Variants in SYNDIG1L observed in about 807,000 individuals in gnomAD.
SYNDIG1L encodes the protein synapse differentiation-inducing gene protein 1-like.
A neutral mutation model predicts 20.1 loss-of-function variants in SYNDIG1L; 13 were observed. The observed-to-expected ratio is 0.65, with a 90% CI of 0.42 to 1.03. SYNDIG1L has a LOEUF of 1.03. Ranked by LOEUF, SYNDIG1L falls within the 50% of genes least tolerant of loss-of-function variation. The probability of loss-of-function intolerance (pLI) is 0.00; values close to 1 mark genes in which losing one functional copy is unlikely to be tolerated. For synonymous variants in SYNDIG1L, 128 were observed against 129.3 expected (o/e 0.99, Z 0.07); for missense variants, 294 against 305.1 (o/e 0.96, Z 0.27).
chr14:74,454,058 T>G, the SYNDIG1L span, among the ~76,000 whole-genome samples: 1 of 152,256 alleles, frequency 6.6e-6, no homozygotes, highest in East Asian at 1.9e-4. Context: ...CAGAAGTTAA[T>G]GAAACAAATT....
At chr14:74,442,237 C>T in the SYNDIG1L span, among the ~76,000 whole-genome samples, 1 of 152,128 alleles carries the variant, frequency 6.6e-6, no homozygotes, top group African/African-American at 2.4e-5. Context: ...CAGCCTAATG[C>T]AGAACACAAA....
intron 1 of SYNDIG1L, among the ~76,000 whole-genome samples, chr14:74,418,505 A>G (rs1479400158): frequency 2.0e-5 from 3 of 152,306 alleles, no homozygotes; most frequent in Admixed American, 6.5e-5. Flanking sequence ...TGATGATTGT[A>G]AAACCTGGCT....
chr14:74,425,678 G>C (rs1217581192), intron 1 of SYNDIG1L, among the ~76,000 whole-genome samples: 1 of 152,190 alleles, frequency 6.6e-6, no homozygotes, highest in Non-Finnish European at 1.5e-5. Flanking sequence ...GTCAAGGCCT[G>C]ATGTTGTGAG....
upstream of SYNDIG1L, among the ~76,000 whole-genome samples, chr14:74,426,773 G>T (rs968228958): frequency 6.8e-6 from 1 of 146,366 alleles, no homozygotes; most frequent in Non-Finnish European, 1.5e-5. Flanking sequence ...AGGACGCTGG[G>T]CTCACAAGGA....
intron 2 of SYNDIG1L, 77 bp downstream of exon 2, chr14:74,409,251 A>AG: frequency 1.8e-6 from 2 of 1,130,950 alleles, no homozygotes; most frequent in Non-Finnish European, 2.4e-6. Context: ...GCTAATTTTC[A>AG]ATTTTTTTTT....
chr14:74,416,428 G>A (rs536829085), intron 1 of SYNDIG1L, among the ~76,000 whole-genome samples: 86 of 152,250 alleles, frequency 5.6e-4, no homozygotes, highest in African/African-American at 2.0e-3. Context: ...GAGCCTAGGA[G>A]TTCAAGACCA....
chr14:74,421,869 T>C (rs529099993), intron 1 of SYNDIG1L, among the ~76,000 whole-genome samples: 1 of 152,332 alleles, frequency 6.6e-6, no homozygotes, highest in African/African-American at 2.4e-5. Context: ...TCTTAGTCAC[T>C]GTCTTCCAGG....
intron 1 of SYNDIG1L, among the ~76,000 whole-genome samples, chr14:74,413,321 T>C (rs1410787159): frequency 6.6e-6 from 1 of 152,194 alleles, no homozygotes; most frequent in Non-Finnish European, 1.5e-5. Context: ...GTCCTGGCTT[T>C]ACACAATATG....
the SYNDIG1L span, among the ~76,000 whole-genome samples, chr14:74,433,658 T>G: frequency 6.6e-6 from 1 of 152,194 alleles, no homozygotes; most frequent in Non-Finnish European, 1.5e-5. Context: ...CTGCTGGGAT[T>G]ACAGGCGGGA....
chr14:74,418,978 G>T (rs970970454), intron 1 of SYNDIG1L, among the ~76,000 whole-genome samples: 1 of 152,174 alleles, frequency 6.6e-6, no homozygotes, highest in Non-Finnish European at 1.5e-5. Context: ...AATGTCTGTT[G>T]TTTTAAGCCA....
At chr14:74,419,639 A>C (rs1279266670) in intron 1 of SYNDIG1L, among the ~76,000 whole-genome samples, 1 of 152,204 alleles carries the variant, frequency 6.6e-6, no homozygotes, top group Non-Finnish European at 1.5e-5. Flanking sequence ...ACAAAGTTTC[A>C]ATAGATGGAG....
chr14:74,449,766 C>A, the SYNDIG1L span, among the ~76,000 whole-genome samples: 91 of 152,128 alleles, frequency 6.0e-4, no homozygotes, highest in African/African-American at 2.0e-3. Flanking sequence ...AAATTTATAG[C>A]ATTAAACACT....
upstream of SYNDIG1L, among the ~76,000 whole-genome samples, chr14:74,428,430 T>C (rs1265993775): frequency 6.6e-6 from 1 of 152,196 alleles, no homozygotes; most frequent in Non-Finnish European, 1.5e-5. Flanking sequence ...TTTCCTGCCA[T>C]GTAATGAAAA....
the SYNDIG1L span, among the ~76,000 whole-genome samples, chr14:74,434,484 T>C: frequency 0.5 from 75,842 of 151,278 alleles, 19,346 homozygotes; most frequent in African/African-American, 0.61. Flanking sequence ...TAAAAAGCAG[T>C]GGGGAGGATG....
the SYNDIG1L span, among the ~76,000 whole-genome samples, chr14:74,432,681 T>C: frequency 9.6e-4 from 146 of 152,224 alleles, no homozygotes; most frequent in African/African-American, 3.5e-3. Flanking sequence ...CATAGTGAAA[T>C]CCTGATTCTA....
chr14:74,422,834 C>A (rs1397208226), intron 1 of SYNDIG1L, among the ~76,000 whole-genome samples: 1 of 151,846 alleles, frequency 6.6e-6, no homozygotes, highest in Non-Finnish European at 1.5e-5. Context: ...GCCTCAGCCT[C>A]CCGAGTAGCT....
the SYNDIG1L span, among the ~76,000 whole-genome samples, chr14:74,458,436 GT>G: frequency 2.7e-5 from 4 of 147,252 alleles, no homozygotes; most frequent in African/African-American, 1.0e-4. Flanking sequence ...GGCCAACATG[GT>G]GAAGACCCTG....
the SYNDIG1L span, chr14:74,476,231 G>T: frequency 1.7e-6 from 1 of 593,302 alleles, no homozygotes; most frequent in Non-Finnish European, 3.0e-6. Context: ...CCAGCGCTGA[G>T]AACAGTCTGC....
intron 1 of SYNDIG1L, among the ~76,000 whole-genome samples, chr14:74,419,754 A>T (rs2086206968): frequency 1.3e-5 from 2 of 152,248 alleles, no homozygotes; most frequent in South Asian, 4.1e-4. Flanking sequence ...GAGGCTTCTC[A>T]GAGCAGGTGA....
Sources: allele counts gnomAD v4.1 joint callset (sites outside exome capture counted in the v4.1 genomes callset), GRCh38; gene constraint gnomAD v4.1.1; transcripts MANE v1.5; gene names NCBI Gene and HGNC (gene_info 2026-07-23, HGNC 2026-07-21).